ANXA8: variants seen among roughly 807,000 people sequenced by gnomAD.
ANXA8 encodes VAC-beta.
ANXA8 carries 9 observed loss-of-function variants against 26.8 expected under a neutral mutation model. That is an observed-to-expected ratio of 0.34 (90% confidence interval 0.20 to 0.59). The LOEUF (loss-of-function observed/expected upper bound fraction) is 0.59. Among genes scored for constraint, ANXA8 ranks in the 20% least tolerant of loss-of-function variants. The pLI is 0.84. For missense variants in ANXA8, 83 were observed against 238.5 expected, an observed-to-expected ratio of 0.35 and a Z score of 4.29; for synonymous variants, 39 against 94.8, an observed-to-expected ratio of 0.41 and a Z score of 3.42.
chr10:47,589,608 C>T, the ANXA8 span: 1 of 146,152 alleles, frequency 6.8e-6, no homozygotes, highest in Non-Finnish European at 1.5e-5. Context: ...ACCCATCATA[C>T]TCTCTCTGCC....
chr10:47,618,603 A>G, the ANXA8 span, among the ~76,000 whole-genome samples: 3 of 115,196 alleles, frequency 2.6e-5, 1 homozygote, highest in South Asian at 8.1e-4. Context: ...TAGGTTATCC[A>G]TTAAAAAACA....
chr10:47,548,790 T>G, the ANXA8 span, among the ~76,000 whole-genome samples: 1 of 151,788 alleles, frequency 6.6e-6, no homozygotes, highest in Non-Finnish European at 1.5e-5. Flanking sequence ...AGGATGAAGG[T>G]TCTAGAACCA....
chr10:47,553,073 TTGAAAC>T, the ANXA8 span, among the ~76,000 whole-genome samples: 1 of 151,974 alleles, frequency 6.6e-6, no homozygotes, highest in African/African-American at 2.4e-5. Flanking sequence ...TAGGAACGCT[TTGAAAC>T]TGAATAGCTG....
chr10:47,681,649 A>G, the ANXA8 span, among the ~76,000 whole-genome samples: 1 of 123,746 alleles, frequency 8.1e-6, no homozygotes, highest in African/African-American at 3.1e-5. Context: ...CTTTCACTTC[A>G]GCCTCCTGAG....
At chr10:47,967,350 A>G in the ANXA8 span, among the ~76,000 whole-genome samples, 2 of 150,614 alleles carry the variant, frequency 1.3e-5, no homozygotes, top group Non-Finnish European at 3.0e-5. Flanking sequence ...GGAACATAAG[A>G]AATGGCCTCA....
At chr10:47,777,389 G>A in the ANXA8 span, among the ~76,000 whole-genome samples, 1 of 151,978 alleles carries the variant, frequency 6.6e-6, no homozygotes, top group South Asian at 2.1e-4. Flanking sequence ...CCGGGCTCAA[G>A]CAATCCTCCC....
the ANXA8 span, among the ~76,000 whole-genome samples, chr10:47,733,198 T>TC: frequency 1.8e-5 from 2 of 112,086 alleles, no homozygotes; most frequent in Admixed American, 9.1e-5. Context: ...TCTTTCTTTC[T>TC]TTCTTTCTTT....
At chr10:47,944,376 G>T in the ANXA8 span, among the ~76,000 whole-genome samples, 4 of 148,342 alleles carry the variant, frequency 2.7e-5, 1 homozygote, top group Admixed American at 1.3e-4. Flanking sequence ...GCTGGCTTCC[G>T]GACTCTGCTC....
chr10:47,553,876 T>C, the ANXA8 span, among the ~76,000 whole-genome samples: 4 of 148,978 alleles, frequency 2.7e-5, no homozygotes, highest in African/African-American at 7.4e-5. Flanking sequence ...CGCCCCGGAG[T>C]CACCGTGCCC....
the ANXA8 span, among the ~76,000 whole-genome samples, chr10:47,705,919 C>G: frequency 1.3e-5 from 2 of 150,072 alleles, no homozygotes; most frequent in African/African-American, 2.4e-5. Context: ...CGACGCACCC[C>G]CCGCGTATTT....
the ANXA8 span, among the ~76,000 whole-genome samples, chr10:47,672,579 A>T: frequency 1.8e-3 from 278 of 151,836 alleles, 5 homozygotes; most frequent in African/African-American, 6.2e-3. Context: ...GAAAAATAAA[A>T]TTCCTGCCCT....
the ANXA8 span, among the ~76,000 whole-genome samples, chr10:47,511,407 G>A: frequency 2.2e-5 from 3 of 137,054 alleles, no homozygotes; most frequent in African/African-American, 8.1e-5. Flanking sequence ...AGATTCAGGG[G>A]CTCTGTGTGC....
the ANXA8 span, among the ~76,000 whole-genome samples, chr10:47,560,926 C>T: frequency 1.1e-4 from 16 of 151,730 alleles, no homozygotes; most frequent in African/African-American, 3.9e-4. Context: ...TTCTCCTGCC[C>T]CAGCCTCCTG....
chr10:47,557,413 G>C, the ANXA8 span, among the ~76,000 whole-genome samples: 2 of 151,064 alleles, frequency 1.3e-5, no homozygotes, highest in Non-Finnish European at 2.9e-5. Flanking sequence ...CATTACTTAC[G>C]GGTGGTCATT....
chr10:47,618,354 A>T, the ANXA8 span, among the ~76,000 whole-genome samples: 1 of 111,160 alleles, frequency 9.0e-6, no homozygotes, highest in South Asian at 2.9e-4. Context: ...TTCCCAAGTA[A>T]ATGAAATGAC....
chr10:47,720,856 T>C, the ANXA8 span, among the ~76,000 whole-genome samples: 1 of 139,982 alleles, frequency 7.1e-6, no homozygotes. Context: ...TGAATTAAGA[T>C]GTATGGTAGG....
At chr10:47,503,151 A>G in the ANXA8 span, 1 of 1,609,220 alleles carries the variant, frequency 6.2e-7, no homozygotes, top group Admixed American at 1.7e-5. Flanking sequence ...CTTTTTTATG[A>G]ATATTCTTCA....
At chr10:47,482,147 C>G (rs1321642082) in intron 1 of ANXA8, among the ~76,000 whole-genome samples, 1 of 136,458 alleles carries the variant, frequency 7.3e-6, no homozygotes, top group African/African-American at 2.9e-5. Context: ...AGCTTTGTGC[C>G]TAGAGGACAC....
the ANXA8 span, chr10:47,690,011 T>G: frequency 6.6e-7 from 1 of 1,505,356 alleles, no homozygotes; most frequent in Admixed American, 1.7e-5. Flanking sequence ...ACACAGAATA[T>G]AGAATCCCAG....
Sources: gnomAD v4.1 joint callset for allele counts (sites outside exome capture counted in the v4.1 genomes callset) on GRCh38, gnomAD v4.1.1 for gene constraint, MANE v1.5 for transcripts, NCBI Gene and HGNC (gene_info 2026-07-23, HGNC 2026-07-21) for gene names.